The following DST variants were observed in gnomAD, a reference collection of about 807,000 sequenced individuals.
DST encodes bullous pemphigoid antigen.
Under a neutral mutation model 875.2 loss-of-function variants are expected in DST, and 253 were observed. The observed-to-expected ratio is 0.29, with a 90% confidence interval of 0.26 to 0.32. DST has a LOEUF of 0.32. Ranked by LOEUF, DST falls within the 10% of genes least tolerant of loss-of-function variation. The probability of loss-of-function intolerance (pLI) is 1.00; values close to 1 mark genes in which losing one functional copy is unlikely to be tolerated. For missense variants in DST, 8,287 were observed against 9,111.6 expected, an observed-to-expected ratio of 0.91 and a Z score of 3.68; for synonymous variants, 3,124 against 3,197.1, an observed-to-expected ratio of 0.98 and a Z score of 0.77.
chr6:56,899,820 G>A (rs1331617039), intron 3 of DST, among the ~76,000 whole-genome samples: 1 of 152,208 alleles, frequency 6.6e-6, no homozygotes, highest in Admixed American at 6.5e-5. Context: ...GTTGAGCCCT[G>A]AGTTTCTGAA....
rs375895355 is a variant in DST, at chr6:56,835,528, C to T, written c.625+15869G>A. ...AAACTGCTCTAAAAAATAATGTGTG[C>T]ATTTTTTAAAAGACTACTGGTGTAG... On this transcript the variant is annotated intron_variant, in intron 4 of 103. Coordinates refer to ENST00000680361, the MANE Select transcript of DST (RefSeq NM_001374736.1). Among the ~76,000 whole-genome samples, 7 of 152,248 alleles carry T rather than the reference C, an allele frequency of 4.6e-5. No homozygotes were observed. In the East Asian group the frequency reaches 1.3e-3, roughly 29 times the overall value.
intron 4 of DST, among the ~76,000 whole-genome samples, chr6:56,805,840 T>A (rs965435543): frequency 6.6e-6 from 1 of 152,242 alleles, no homozygotes; most frequent in Non-Finnish European, 1.5e-5. Context: ...AATGTAATGA[T>A]TATTTGATGA....
chr6:56,605,011 T>C lies in DST; in HGVS notation c.9617A>G (p.His3206Arg), dbSNP rs746663157. The C allele has an allele frequency of 6.2e-7, 1 of 1,613,002 alleles. No homozygotes were observed. The highest frequency in any genetic ancestry group is 1.7e-5 in the Admixed American group (1 of 59,836). ...CATGGGAGGGGCAGTTATTAAAACATGGCTTGGGACATCTTCATTTGGTTT... is the reference window on the plus strand; with the variant it reads ...CATGGGAGGGGCAGTTATTAAAACACGGCTTGGGACATCTTCATTTGGTTT... ...VAKPNEDVPS[H>R]VLITAPPMKE... The change falls in exon 40 of 104, where the codon CAT becomes CGT. Residue 3206 changes from histidine to arginine, a missense_variant. His to Arg is a conservative substitution (Grantham distance 29). Coordinates refer to ENST00000680361, the MANE Select transcript of DST (RefSeq NM_001374736.1).
chr6:56,556,131 G>A (rs924760105), intron 59 of DST, among the ~76,000 whole-genome samples: 1 of 152,126 alleles, frequency 6.6e-6, no homozygotes, highest in Admixed American at 6.5e-5. Flanking sequence ...AAACACTGCT[G>A]TTAAACAAGT....
chr6:56,606,178 C>A lies in DST; in HGVS notation c.8450G>T (p.Gly2817Val). 6.3e-7 allele frequency: 1 copy of A among 1,592,788 alleles called. No homozygotes were observed. Among genetic ancestry groups the A allele is most frequent in the South Asian group, 1.1e-5 (1 of 89,302 alleles). The change falls in exon 40 of 104, where the codon GGA becomes GTA. Residue 2817 changes from glycine (G) to valine (V), a missense_variant. Around this residue, in one of 10 missense-constraint regions of DST, gnomAD observed 3,138 missense variants for 3,116.6 expected, o/e 1.01. Transcript: ENST00000680361. ...CTTTCCATTCTCATCTCTTATACCTCCTCCTTCTTCATCAATGCCATCATC... is the reference window on the plus strand; with the variant it reads ...CTTTCCATTCTCATCTCTTATACCTACTCCTTCTTCATCAATGCCATCATC... ...DDDDGIDEEGGGIRDENGKPR... is the reference protein window; with the variant it reads ...DDDDGIDEEGVGIRDENGKPR...
At chr6:56,820,433 TTAAA>T (rs2099771794) in intron 4 of DST, among the ~76,000 whole-genome samples, 1 of 152,178 alleles carries the variant, frequency 6.6e-6, no homozygotes, top group Non-Finnish European at 1.5e-5. Context: ...CAGCCTTCAA[TTAAA>T]TAAATTACAC....
intron 4 of DST, among the ~76,000 whole-genome samples, chr6:56,748,214 G>A (rs1048155868): frequency 6.6e-6 from 1 of 152,044 alleles, no homozygotes; most frequent in Non-Finnish European, 1.5e-5. Context: ...TTCATATATG[G>A]TTATGGTTGT....
chr6:56,611,895 C>G (rs763407523), intron 37 of DST, among the ~76,000 whole-genome samples: 42 of 152,162 alleles, frequency 2.8e-4, no homozygotes, highest in Non-Finnish European at 2.6e-4. Context: ...GGCCTCCACC[C>G]GCAGGTGGGC....
At chr6:56,668,529 G>A (rs889684036) in intron 10 of DST, among the ~76,000 whole-genome samples, 4 of 151,984 alleles carry the variant, frequency 2.6e-5, no homozygotes, top group African/African-American at 9.7e-5. Flanking sequence ...ATCACCTGAG[G>A]TAAGGAGTTC....
At chr6:56,745,442 T>C (rs2099569446) in intron 4 of DST, among the ~76,000 whole-genome samples, 1 of 152,214 alleles carries the variant, frequency 6.6e-6, no homozygotes, top group African/African-American at 2.4e-5. Context: ...GTAAAATCTT[T>C]GGATTTATAC....
At chr6:56,875,694 T>C (rs954855871) in intron 3 of DST, among the ~76,000 whole-genome samples, 1 of 152,154 alleles carries the variant, frequency 6.6e-6, no homozygotes, top group Non-Finnish European at 1.5e-5. Flanking sequence ...TACAGATTAT[T>C]GGTGTCAATG....
intron 9 of DST, among the ~76,000 whole-genome samples, chr6:56,691,771 A>G (rs1398794640): frequency 6.6e-6 from 1 of 152,168 alleles, no homozygotes; most frequent in Non-Finnish European, 1.5e-5. Context: ...TCAAATTCCT[A>G]TGGCATGCTA....
intron 52 of DST, 109 bp downstream of exon 52, chr6:56,572,638 C>G: frequency 1.2e-6 from 1 of 810,514 alleles, no homozygotes; most frequent in Non-Finnish European, 1.9e-6. Flanking sequence ...CTTTACTAAT[C>G]TATAAGCAAT....
At chr6:56,843,326 G>A in intron 4 of DST, 1 of 1,220,500 alleles carries the variant, frequency 8.2e-7, no homozygotes, top group Non-Finnish European at 1.0e-6. Context: ...CGGCGCCAGG[G>A]CCGGCAAAGG....
At chr6:56,892,192 G>T (rs1787899436) in intron 3 of DST, among the ~76,000 whole-genome samples, 1 of 151,972 alleles carries the variant, frequency 6.6e-6, no homozygotes, top group East Asian at 1.9e-4. Context: ...ATGTATGTTG[G>T]CCCCTAACTA....
chr6:56,569,641 CT>C lies in DST; in HGVS notation c.13878+214del, dbSNP rs550020441. On this transcript the variant is annotated intron_variant, in intron 54 of 103. Coordinates refer to ENST00000680361, the MANE Select transcript of DST (RefSeq NM_001374736.1). Reference sequence around the variant, plus strand: ...AATAGTCAGCAACTCATTAATTCACCTTTTTTTAAAAAAGCAAATCCACTGA... The same window carrying C: ...AATAGTCAGCAACTCATTAATTCACCTTTTTTAAAAAAGCAAATCCACTGA... Among the ~76,000 whole-genome samples, 47 of 152,128 alleles carry C rather than the reference CT, an allele frequency of 3.1e-4. 1 individual carries two copies. The South Asian group carries it at 9.1e-3, about 30-fold the overall frequency.
At chr6:56,476,376 C>G (rs748888648) in intron 91 of DST, 39 bp from the exon 92 acceptor site, 2 of 1,487,164 alleles carry the variant, frequency 1.3e-6, no homozygotes, top group African/African-American at 2.8e-5. Context: ...TTTCCTCCAA[C>G]TTAGTAAAAT....
chr6:56,674,874 A>G (rs1264024534), intron 9 of DST, among the ~76,000 whole-genome samples: 2 of 152,196 alleles, frequency 1.3e-5, no homozygotes, highest in Admixed American at 1.3e-4. Flanking sequence ...CCCTATCAAA[A>G]TTCTCATGAC....
intron 92 of DST, among the ~76,000 whole-genome samples, chr6:56,475,277 G>T (rs960048788): frequency 5.3e-5 from 8 of 152,016 alleles, no homozygotes; most frequent in African/African-American, 1.9e-4. Context: ...GAAAAGTGAA[G>T]TAACACCTTT....
Sources: gnomAD v4.1 joint callset for allele counts (sites outside exome capture counted in the v4.1 genomes callset) on GRCh38, gnomAD v4.1.1 for gene constraint, gnomAD v4.1.1 regional missense constraint, MANE v1.5 for transcripts, NCBI Gene and HGNC (gene_info 2026-07-23, HGNC 2026-07-21) for gene names.